Variants in DMXL2 observed in about 807,000 individuals in gnomAD.
The protein encoded by DMXL2 is Dmx like 2, also known as dmX-like protein 2.
Under a neutral mutation model 331.1 loss-of-function variants are expected in DMXL2, and 103 were observed. The ratio of observed to expected loss-of-function variants is 0.31; its 90% CI spans 0.27 to 0.37. The LOEUF is 0.37. Ranked by LOEUF, DMXL2 falls within the 10% of genes least tolerant of loss-of-function variation. The probability of loss-of-function intolerance (pLI) is 1.00; values close to 1 mark genes in which losing one functional copy is unlikely to be tolerated. For missense variants in DMXL2, 3,171 were observed against 3,642.9 expected, an observed-to-expected ratio of 0.87 and a Z score of 3.33; for synonymous variants, 1,281 against 1,252.1, an observed-to-expected ratio of 1.02 and a Z score of -0.49.
intron 18 of DMXL2, among the ~76,000 whole-genome samples, chr15:51,496,088 T>G (rs2043155745): frequency 6.6e-6 from 1 of 152,074 alleles, no homozygotes; most frequent in Admixed American, 6.6e-5. Flanking sequence ...CAAGCAATCC[T>G]CCTACCTTAA....
intron 1 of DMXL2, among the ~76,000 whole-genome samples, chr15:51,610,254 T>C (rs1264880294): frequency 6.6e-6 from 1 of 152,134 alleles, no homozygotes; most frequent in Non-Finnish European, 1.5e-5. Flanking sequence ...ATTTTAAACT[T>C]GTAAGCACAA....
At chr15:51,568,620 T>C in intron 2 of DMXL2, 62 bp from the exon 3 acceptor site, 1 of 1,059,436 alleles carries the variant, frequency 9.4e-7, no homozygotes, top group South Asian at 1.5e-5. Flanking sequence ...TATCTTCCTT[T>C]TCATAATAAT....
chr15:51,538,966 T>C (rs549175827), intron 9 of DMXL2, among the ~76,000 whole-genome samples: 1 of 152,170 alleles, frequency 6.6e-6, no homozygotes, highest in East Asian at 1.9e-4. Flanking sequence ...TCCTAGCATT[T>C]TGGGAGGGAG....
At chr15:51,532,686 A>G (rs74406837) in intron 13 of DMXL2, among the ~76,000 whole-genome samples, 1 of 152,262 alleles carries the variant, frequency 6.6e-6, no homozygotes, top group African/African-American at 2.4e-5. Context: ...TTTTAAAAAA[A>G]TTTTTTAAAC....
intron 15 of DMXL2, among the ~76,000 whole-genome samples, chr15:51,509,488 C>T (rs920485701): frequency 1.3e-5 from 2 of 152,076 alleles, no homozygotes; most frequent in African/African-American, 4.8e-5. Context: ...ACACATACAC[C>T]CTCCAAAGAC....
chr15:51,474,462 G>A lies in DMXL2; in HGVS notation c.7095C>T (p.Ser2365=). 1 of 1,614,118 alleles carries A rather than the reference G, an allele frequency of 6.2e-7. No individual in the cohort carries two copies. The highest frequency in any genetic ancestry group is 1.1e-5 in the South Asian group (1 of 91,086). ...SLLIHALATN[S]SSELFRLAAH... is the part of the protein sequence containing the mutation. The stretch of plus-strand genomic sequence containing the variant: ...CTGCAAGCCGAAATAATTCACTGGA[G>A]GAATTTGTGGCAAGAGCATGTATCA... The change falls in exon 28 of 44, where the codon TCC becomes TCT. Residue 2365 remains serine, a synonymous_variant. Transcript: ENST00000560891.
chr15:51,506,858 A>T (rs187460367), intron 16 of DMXL2, among the ~76,000 whole-genome samples: 1 of 152,380 alleles, frequency 6.6e-6, no homozygotes. Context: ...CATCTAGAAC[A>T]GTCATAATGT....
intron 15 of DMXL2, among the ~76,000 whole-genome samples, chr15:51,510,185 T>A (rs935468911): frequency 6.6e-6 from 1 of 152,142 alleles, no homozygotes; most frequent in African/African-American, 2.4e-5. Flanking sequence ...CTATTCAACA[T>A]GGTACTGAAA....
intron 1 of DMXL2, among the ~76,000 whole-genome samples, chr15:51,604,007 A>G (rs1021570001): frequency 6.6e-6 from 1 of 152,192 alleles, no homozygotes; most frequent in Non-Finnish European, 1.5e-5. Flanking sequence ...AACACACTCA[A>G]TAAAATATTA....
rs200732334 is a variant in DMXL2 at position 51,463,501 on chromosome 15, T to A, written c.7809-5A>T. 2 of 1,514,818 alleles carry A rather than the reference T, an allele frequency of 1.3e-6. No homozygotes were observed. Among genetic ancestry groups the A allele is most frequent in the Non-Finnish European group, 1.8e-6 (2 of 1,119,132 alleles). The allele number at this position is 1,514,818 out of a possible 1,614,324, so 93.8% of individuals were successfully genotyped here. A position where few individuals can be genotyped will look rare whatever the true frequency, so the allele number is the denominator to read the frequency against. On this transcript the variant is annotated splice_region_variant and splice_polypyrimidine_tract_variant and intron_variant, in intron 32 of 43. Coordinates refer to ENST00000560891, the MANE Select transcript of DMXL2 (RefSeq NM_001378457.1). The stretch of plus-strand genomic sequence containing the variant: ...AATGCAGAAGAATCCCGGGACCTAT[T>A]AAAAAAAATTAACATATCACACTAC...
At chr15:51,595,137 G>C (rs1054742382) in intron 1 of DMXL2, among the ~76,000 whole-genome samples, 2 of 152,210 alleles carry the variant, frequency 1.3e-5, no homozygotes, top group African/African-American at 4.8e-5. Context: ...AATTGTCCCT[G>C]TTTGCAGATG....
intron 29 of DMXL2, among the ~76,000 whole-genome samples, chr15:51,468,208 T>C (rs1378739265): frequency 1.3e-5 from 2 of 152,210 alleles, no homozygotes; most frequent in Non-Finnish European, 2.9e-5. Flanking sequence ...CATCTGTCTG[T>C]AGTTTCTAAA....
intron 1 of DMXL2, among the ~76,000 whole-genome samples, chr15:51,617,436 C>A (rs1166804295): frequency 6.6e-6 from 1 of 152,144 alleles, no homozygotes; most frequent in South Asian, 2.1e-4. Flanking sequence ...ATTCCTAGAC[C>A]CACTACTTCA....
intron 13 of DMXL2, among the ~76,000 whole-genome samples, chr15:51,529,863 C>T (rs569456413): frequency 1.3e-5 from 2 of 152,102 alleles, no homozygotes; most frequent in South Asian, 2.1e-4. Context: ...CTAAACAAAA[C>T]ACTACCAAGT....
At position 51,455,149 on chromosome 15, in the gene DMXL2, A is replaced by G. The variant is rs2141204871; in HGVS notation, c.8604+2T>C. ...GCCCTGGGAACATTTAGTGATACTT[A>G]CCATATAAGGTTTAGGATTTGATGC... On this transcript the variant is annotated splice_donor_variant, in intron 40 of 43. Transcript: ENST00000560891. LOFTEE classifies it high-confidence loss of function. 1.2e-6 allele frequency: 2 copies of G among 1,612,668 alleles called. No homozygotes were observed. Among genetic ancestry groups the G allele is most frequent in the Non-Finnish European group, 8.5e-7 (1 of 1,178,702 alleles).
intron 1 of DMXL2, among the ~76,000 whole-genome samples, chr15:51,590,966 C>T (rs1297344026): frequency 6.6e-6 from 1 of 152,036 alleles, no homozygotes; most frequent in African/African-American, 2.4e-5. Context: ...GCCAAGATGG[C>T]CGAATAGGAA....
At chr15:51,458,406 G>A (rs1365464107) in intron 36 of DMXL2, 100 bp downstream of exon 36, 17 of 1,285,766 alleles carry the variant, frequency 1.3e-5, no homozygotes, top group Non-Finnish European at 1.7e-5. Context: ...AAATGAAGGA[G>A]ATACACGTAT....
chr15:51,612,989 T>C (rs2054075926), intron 1 of DMXL2, among the ~76,000 whole-genome samples: 1 of 152,206 alleles, frequency 6.6e-6, no homozygotes, highest in Admixed American at 6.5e-5. Flanking sequence ...TTTCTCCTAT[T>C]TGCTTTTGAA....
chr15:51,613,052 G>A (rs1226292305), intron 1 of DMXL2, among the ~76,000 whole-genome samples: 2 of 152,170 alleles, frequency 1.3e-5, no homozygotes, highest in African/African-American at 4.8e-5. Flanking sequence ...CAGACTTTAA[G>A]GTTATCTCCC....
Sources: allele counts gnomAD v4.1 joint callset (sites outside exome capture counted in the v4.1 genomes callset), GRCh38; gene constraint gnomAD v4.1.1; transcripts MANE v1.5; gene names NCBI Gene and HGNC (gene_info 2026-07-23, HGNC 2026-07-21).